Variants in SETBP1 observed in about 807,000 individuals in gnomAD.
SETBP1 encodes the protein SET-binding protein.
SETBP1 carries 9 observed loss-of-function variants against 101.0 expected under a neutral mutation model. The observed-to-expected ratio is 0.09, with a 90% CI of 0.05 to 0.16. The LOEUF is 0.16. SETBP1 is among the 10% of genes least tolerant of loss of function. The pLI is 1.00. For synonymous variants in SETBP1, 818 were observed against 788.5 expected (o/e 1.04, Z -0.63); for missense variants, 1,858 against 2,033.8 (o/e 0.91, Z 1.66).
chr18:44,904,405 C>T (rs2070124620), intron 3 of SETBP1, among the ~76,000 whole-genome samples: 1 of 152,086 alleles, frequency 6.6e-6, no homozygotes, highest in Non-Finnish European at 1.5e-5. Context: ...TTTGAATTCG[C>T]CTGCTCTTGT....
intron 1 of SETBP1, among the ~76,000 whole-genome samples, chr18:44,688,044 A>G (rs2068865826): frequency 6.6e-6 from 1 of 152,174 alleles, no homozygotes; most frequent in Non-Finnish European, 1.5e-5. Context: ...AAGGTGCTGT[A>G]AAAGTTCTGT....
intron 4 of SETBP1, among the ~76,000 whole-genome samples, chr18:45,023,908 G>T (rs759077106): frequency 3.9e-5 from 6 of 152,154 alleles, no homozygotes; most frequent in Admixed American, 3.9e-4. Context: ...GAAGCTTTAA[G>T]AGGTTAAATC....
intron 2 of SETBP1, among the ~76,000 whole-genome samples, chr18:44,721,103 T>C (rs2069582780): frequency 6.6e-6 from 1 of 152,178 alleles, no homozygotes; most frequent in Non-Finnish European, 1.5e-5. Context: ...GAGAGCCTTC[T>C]GGGACGTGGA....
intron 2 of SETBP1, 126 bp from the exon 3 acceptor site, chr18:44,869,104 C>A: frequency 1.2e-6 from 1 of 834,024 alleles, no homozygotes; most frequent in South Asian, 1.4e-5. Context: ...TCACATTTGC[C>A]TTCTGCGATC....
chr18:45,035,875 T>C (rs563159816), intron 4 of SETBP1, among the ~76,000 whole-genome samples: 3 of 152,356 alleles, frequency 2.0e-5, no homozygotes, highest in Non-Finnish European at 4.4e-5. Flanking sequence ...TCATGCCTGC[T>C]CTGCCCATTA....
intron 2 of SETBP1, among the ~76,000 whole-genome samples, chr18:44,862,107 T>C (rs2069027416): frequency 6.6e-6 from 1 of 152,168 alleles, no homozygotes; most frequent in African/African-American, 2.4e-5. Context: ...TACACACCAC[T>C]GTAAGAGTAT....
intron 2 of SETBP1, among the ~76,000 whole-genome samples, chr18:44,825,631 A>G (rs2072221456): frequency 6.6e-6 from 1 of 152,242 alleles, no homozygotes; most frequent in Non-Finnish European, 1.5e-5. Context: ...CATTGGGACA[A>G]TCTTCACCTG....
chr18:44,950,244 C>T lies in SETBP1; in HGVS notation c.904C>T (p.Pro302Ser). 6.2e-7 allele frequency: 1 copy of T among 1,614,054 alleles called. No homozygotes were observed. Among genetic ancestry groups the T allele is most frequent in the South Asian group, 1.1e-5 (1 of 91,088 alleles). ...AAGCAGCCACAGCTCACCAGCCCCA[C>T]CCAGCAGCTCTGCTGAGTGCAACGG... ...SPSSHSSPAP[P>S]SSSAECNGLQ... The change falls in exon 4 of 6, where the codon CCC becomes TCC. Residue 302 changes from proline to serine, a missense_variant. Around this residue, in one of 12 missense-constraint regions of SETBP1, gnomAD observed 581 missense variants for 535.1 expected, o/e 1.09. Coordinates refer to ENST00000649279, the MANE Select transcript of SETBP1 (RefSeq NM_015559.3).
chr18:45,061,608 G>T (rs2073891827), intron 5 of SETBP1, among the ~76,000 whole-genome samples: 1 of 152,150 alleles, frequency 6.6e-6, no homozygotes, highest in South Asian at 2.1e-4. Context: ...TGAAGCTGGG[G>T]GTGTAAATAA....
At chr18:44,837,894 A>T (rs1213945459) in intron 2 of SETBP1, among the ~76,000 whole-genome samples, 1 of 152,204 alleles carries the variant, frequency 6.6e-6, no homozygotes, top group African/African-American at 2.4e-5. Flanking sequence ...ACAGAGACAT[A>T]TGCAAACACA....
chr18:44,734,770 T>G (rs2069927218), intron 2 of SETBP1, among the ~76,000 whole-genome samples: 1 of 152,244 alleles, frequency 6.6e-6, no homozygotes, highest in Non-Finnish European at 1.5e-5. Context: ...CCTCCATTGT[T>G]ACGTTTCTTC....
chr18:44,724,725 A>C (rs932429342), intron 2 of SETBP1, among the ~76,000 whole-genome samples: 1 of 152,176 alleles, frequency 6.6e-6, no homozygotes, highest in Non-Finnish European at 1.5e-5. Flanking sequence ...GTTAAAGGAC[A>C]GGGGTTAGCA....
chr18:45,013,087 A>G (rs998239843), intron 4 of SETBP1, among the ~76,000 whole-genome samples: 1 of 152,220 alleles, frequency 6.6e-6, no homozygotes, highest in African/African-American at 2.4e-5. Flanking sequence ...CAAGCTCACA[A>G]CCACCTCACA....
At chr18:44,845,344 G>A (rs1238429715) in intron 2 of SETBP1, among the ~76,000 whole-genome samples, 1 of 152,136 alleles carries the variant, frequency 6.6e-6, no homozygotes, top group Non-Finnish European at 1.5e-5. Context: ...CGGCCCCTTT[G>A]GAACTGCCTG....
At chr18:45,018,910 G>A (rs1404506523) in intron 4 of SETBP1, among the ~76,000 whole-genome samples, 4 of 152,202 alleles carry the variant, frequency 2.6e-5, no homozygotes, top group Non-Finnish European at 4.4e-5. Flanking sequence ...CTCCTGATTA[G>A]GAATGAGCAG....
chr18:45,063,766 G>A lies in SETBP1; in HGVS notation c.*68G>A. On this transcript the variant is annotated 3_prime_UTR_variant, in exon 6 of 6. Transcript: ENST00000649279. The stretch of plus-strand genomic sequence containing the variant: ...CGTGGGAAGCGCAGTGAGCCGGGGC[G>A]GGGGCGGAATCCCCCGCTGCAGGGA... 1.3e-6 allele frequency: 2 copies of A among 1,527,304 alleles called. No individual in the cohort carries two copies. Among genetic ancestry groups the A allele is most frequent in the Non-Finnish European group, 1.8e-6 (2 of 1,130,962 alleles). The allele number at this position is 1,527,304 out of a possible 1,614,324, so 94.6% of individuals were successfully genotyped here. A position where few individuals can be genotyped will look rare whatever the true frequency, so the allele number is the denominator to read the frequency against.
chr18:44,766,126 A>G (rs1176280038), intron 2 of SETBP1, among the ~76,000 whole-genome samples: 1 of 152,232 alleles, frequency 6.6e-6, no homozygotes, highest in Admixed American at 6.5e-5. Context: ...GCTTCCAAGA[A>G]CAAGATAAGC....
At chr18:44,863,532 T>A (rs570234329) in intron 2 of SETBP1, among the ~76,000 whole-genome samples, 1 of 152,318 alleles carries the variant, frequency 6.6e-6, no homozygotes, top group East Asian at 1.9e-4. Context: ...GTGGTGGGCC[T>A]GAGTTCAACT....
chr18:44,860,812 TA>T (rs1467221235), intron 2 of SETBP1, among the ~76,000 whole-genome samples: 14 of 151,536 alleles, frequency 9.2e-5, no homozygotes, highest in Non-Finnish European at 1.9e-4. Flanking sequence ...CTCATGCACA[TA>T]TTAAAGGCAG....
Sources: gnomAD v4.1 joint callset for allele counts (sites outside exome capture counted in the v4.1 genomes callset) on GRCh38, gnomAD v4.1.1 for gene constraint, gnomAD v4.1.1 regional missense constraint, MANE v1.5 for transcripts, NCBI Gene and HGNC (gene_info 2026-07-23, HGNC 2026-07-21) for gene names.